MIPOL1: variants seen among roughly 807,000 people sequenced by gnomAD.
MIPOL1 encodes mirror-image polydactyly 1, also known as mirror-image polydactyly gene 1 protein.
In MIPOL1, 57 loss-of-function variants were observed where a neutral mutation model predicts 60.9. The ratio of observed to expected loss-of-function variants is 0.94; its 90% CI spans 0.76 to 1.17. The LOEUF is 1.17. Among genes scored for constraint, MIPOL1 ranks in the 50% most tolerant of loss-of-function variants. The probability of loss-of-function intolerance (pLI) is 0.00; values close to 1 mark genes in which losing one functional copy is unlikely to be tolerated. For missense variants in MIPOL1, 551 were observed against 511.6 expected, an observed-to-expected ratio of 1.08 and a Z score of -0.74; for synonymous variants, 179 against 168.8, an observed-to-expected ratio of 1.06 and a Z score of -0.47.
chr14:37,433,744 C>T (rs994403601), intron 11 of MIPOL1, among the ~76,000 whole-genome samples: 6 of 151,862 alleles, frequency 4.0e-5, no homozygotes, highest in Admixed American at 2.0e-4. Context: ...TTAGTAGAGA[C>T]GGGGTTTCAC....
intron 9 of MIPOL1, among the ~76,000 whole-genome samples, chr14:37,335,618 C>A (rs1265871360): frequency 1.3e-5 from 2 of 151,932 alleles, no homozygotes; most frequent in Admixed American, 1.3e-4. Flanking sequence ...GAGTAATATT[C>A]TATTATTTGT....
At chr14:37,256,156 C>G (rs1265603490) in intron 3 of MIPOL1, among the ~76,000 whole-genome samples, 1 of 151,812 alleles carries the variant, frequency 6.6e-6, no homozygotes, top group Non-Finnish European at 1.5e-5. Flanking sequence ...GCACAAGATA[C>G]CATTATTTCT....
At chr14:37,474,094 C>T (rs931742109) in intron 11 of MIPOL1, among the ~76,000 whole-genome samples, 3 of 152,014 alleles carry the variant, frequency 2.0e-5, no homozygotes, top group South Asian at 2.1e-4. Context: ...GTTCATGGCT[C>T]GATAGTTCTT....
intron 12 of MIPOL1, chr14:37,504,478 A>T (rs1325669327): frequency 6.6e-6 from 1 of 152,234 alleles, no homozygotes; most frequent in Non-Finnish European, 1.5e-5. Flanking sequence ...AACTACGTGG[A>T]AACTGAACAA....
chr14:37,367,092 A>G (rs1323334157), intron 9 of MIPOL1, among the ~76,000 whole-genome samples: 1 of 152,096 alleles, frequency 6.6e-6, no homozygotes, highest in Non-Finnish European at 1.5e-5. Context: ...TAGTATCTTT[A>G]TCTGCTTTAT....
intron 6 of MIPOL1, among the ~76,000 whole-genome samples, chr14:37,274,232 G>A (rs2083484697): frequency 6.6e-6 from 1 of 151,432 alleles, no homozygotes; most frequent in Admixed American, 6.6e-5. Flanking sequence ...CATGTAGACT[G>A]TTCCTTAGCT....
chr14:37,486,789 C>G (rs1280426950), intron 11 of MIPOL1, among the ~76,000 whole-genome samples: 1 of 152,090 alleles, frequency 6.6e-6, no homozygotes, highest in Non-Finnish European at 1.5e-5. Context: ...AATTTGACTT[C>G]CTCTCTTCTT....
chr14:37,317,847 A>G (rs1004002667), intron 9 of MIPOL1, among the ~76,000 whole-genome samples: 4 of 152,208 alleles, frequency 2.6e-5, no homozygotes, highest in Non-Finnish European at 5.9e-5. Flanking sequence ...TACATATTTT[A>G]TCACACAGTC....
chr14:37,388,249 T>G (rs745912553), intron 10 of MIPOL1, among the ~76,000 whole-genome samples: 76 of 151,954 alleles, frequency 5.0e-4, no homozygotes, highest in Non-Finnish European at 6.0e-4. Flanking sequence ...TTTAAGCACC[T>G]GTAAGCCTTT....
intron 11 of MIPOL1, 31 bp downstream of exon 11, chr14:37,422,980 A>T (rs1351987985): frequency 3.7e-6 from 5 of 1,354,298 alleles, no homozygotes; most frequent in Non-Finnish European, 5.2e-6. Context: ...GGGTTAAGTA[A>T]ATATTGTTAG....
chr14:37,412,910 G>C (rs1340819785), intron 10 of MIPOL1, among the ~76,000 whole-genome samples: 1 of 152,080 alleles, frequency 6.6e-6, no homozygotes, highest in African/African-American at 2.4e-5. Flanking sequence ...CTTTATGTAA[G>C]AAGTAATAAT....
intron 12 of MIPOL1, among the ~76,000 whole-genome samples, chr14:37,500,577 T>C (rs775581247): frequency 3.3e-5 from 5 of 152,178 alleles, no homozygotes; most frequent in Non-Finnish European, 7.3e-5. Flanking sequence ...TGAAATTAAT[T>C]TTCTTGTGTT....
intron 12 of MIPOL1, among the ~76,000 whole-genome samples, chr14:37,514,412 G>C (rs1001077955): frequency 1.3e-5 from 2 of 152,126 alleles, no homozygotes; most frequent in Non-Finnish European, 2.9e-5. Context: ...TATGTTTATA[G>C]TAAAGGTGAA....
At chr14:37,266,680 AT>A (rs2082899416) in intron 3 of MIPOL1, among the ~76,000 whole-genome samples, 1 of 152,160 alleles carries the variant, frequency 6.6e-6, no homozygotes, top group African/African-American at 2.4e-5. Flanking sequence ...ACTGCCAACT[AT>A]AAAAGCCCCC....
At chr14:37,253,524 CATAAA>C (rs1242380678) in intron 3 of MIPOL1, among the ~76,000 whole-genome samples, 1 of 151,542 alleles carries the variant, frequency 6.6e-6, no homozygotes, top group Non-Finnish European at 1.5e-5. Flanking sequence ...TAAATAAATA[CATAAA>C]ATAAAAAAAA....
intron 11 of MIPOL1, among the ~76,000 whole-genome samples, chr14:37,484,337 C>CTTTT (rs71449995): frequency 1.4e-4 from 16 of 116,406 alleles, no homozygotes; most frequent in Non-Finnish European, 1.7e-4. Flanking sequence ...AATGTTAGAT[C>CTTTT]TTTTTTTTTT....
intron 10 of MIPOL1, among the ~76,000 whole-genome samples, chr14:37,394,035 C>G (rs937598596): frequency 4.1e-5 from 4 of 97,792 alleles, no homozygotes; most frequent in African/African-American, 1.5e-4. Flanking sequence ...TTAATTCATT[C>G]CTTTTTATGG....
chr14:37,283,767 C>T (rs901798318), intron 6 of MIPOL1, among the ~76,000 whole-genome samples: 10 of 152,102 alleles, frequency 6.6e-5, no homozygotes, highest in Non-Finnish European at 1.3e-4. Context: ...GTATTTTACC[C>T]ATTTTATATA....
intron 11 of MIPOL1, among the ~76,000 whole-genome samples, chr14:37,458,072 TA>T (rs563916343): frequency 7.6e-4 from 109 of 142,580 alleles, no homozygotes; most frequent in Middle Eastern, 3.6e-3. Flanking sequence ...TCAAAAACAG[TA>T]AAAAAAAAAG....
Sources: allele counts gnomAD v4.1 joint callset (sites outside exome capture counted in the v4.1 genomes callset), GRCh38; gene constraint gnomAD v4.1.1; transcripts MANE v1.5; gene names NCBI Gene and HGNC (gene_info 2026-07-23, HGNC 2026-07-21).